Variants in UBE2B observed in about 807,000 individuals in gnomAD.
UBE2B encodes ubiquitin conjugating enzyme E2 B, also known as ubiquitin-conjugating enzyme E2 B.
Under a neutral mutation model 24.6 loss-of-function variants are expected in UBE2B, and 11 were observed. That is an observed-to-expected ratio of 0.45 (90% CI 0.28 to 0.74). The LOEUF (loss-of-function observed/expected upper bound fraction) is 0.74, where lower values mean the gene tolerates loss of function less well. Ranked by LOEUF, UBE2B falls within the 30% of genes least tolerant of loss-of-function variation. The probability of loss-of-function intolerance (pLI) is 0.13; values close to 1 mark genes in which losing one functional copy is unlikely to be tolerated. For synonymous variants in UBE2B, 68 were observed against 62.4 expected (o/e 1.09, Z -0.42); for missense variants, 78 against 185.6 (o/e 0.42, Z 3.37).
At chr5:134,388,081 C>T (rs964694154) in intron 4 of UBE2B, 3 of 502,554 alleles carry the variant, frequency 6.0e-6, no homozygotes, top group South Asian at 4.1e-5. Flanking sequence ...TCAGGACTGG[C>T]GTGAGCCACC....
At chr5:134,372,976 G>A (rs147560411) in intron 1 of UBE2B, among the ~76,000 whole-genome samples, 6 of 152,278 alleles carry the variant, frequency 3.9e-5, no homozygotes, top group African/African-American at 1.4e-4. Context: ...TAGTAAACTA[G>A]TTCATGTCAT....
At chr5:134,386,945 G>T (rs1380366997) in intron 4 of UBE2B, among the ~76,000 whole-genome samples, 2 of 149,812 alleles carry the variant, frequency 1.3e-5, no homozygotes, top group Admixed American at 1.3e-4. Flanking sequence ...CCACAAGGTA[G>T]AATTAGTTTT....
chr5:134,374,236 G>T, intron 1 of UBE2B, 147 bp from the exon 2 acceptor site: 1 of 733,006 alleles, frequency 1.4e-6, no homozygotes. Flanking sequence ...ATATATTTAA[G>T]TCATATGGTT....
chr5:134,379,120 C>T (rs1156699437), intron 3 of UBE2B, among the ~76,000 whole-genome samples: 1 of 152,048 alleles, frequency 6.6e-6, no homozygotes, highest in African/African-American at 2.4e-5. Flanking sequence ...TTTGGAGGAT[C>T]TGTAAACTCG....
At chr5:134,389,104 A>C (rs980300384) in intron 5 of UBE2B, 6 of 227,892 alleles carry the variant, frequency 2.6e-5, no homozygotes, top group African/African-American at 1.2e-4. Flanking sequence ...GGCACATGCT[A>C]CCACGCCTGG....
chr5:134,379,789 C>G (rs2149691618), intron 3 of UBE2B, among the ~76,000 whole-genome samples: 1 of 152,196 alleles, frequency 6.6e-6, no homozygotes, highest in East Asian at 1.9e-4. Flanking sequence ...GAGAATCCAG[C>G]TATCTTCTGT....
At chr5:134,384,903 C>G (rs918081369) in intron 4 of UBE2B, among the ~76,000 whole-genome samples, 1 of 152,166 alleles carries the variant, frequency 6.6e-6, no homozygotes, top group African/African-American at 2.4e-5. Flanking sequence ...TGTTTTCCCT[C>G]TAGATTTGAC....
intron 5 of UBE2B, chr5:134,388,946 G>GTTTTTTTTTTTTTTTTTTTTTTTTTATTT: frequency 1.2e-5 from 2 of 172,264 alleles, no homozygotes; most frequent in South Asian, 4.0e-5. Context: ...TTCTTTAATT[G>GTTTTTTTTTTTTTTTTTTTTTTTTTATTT]TTTTTTTTTT....
intron 1 of UBE2B, among the ~76,000 whole-genome samples, chr5:134,373,834 A>G (rs1581318328): frequency 6.6e-6 from 1 of 152,290 alleles, no homozygotes; most frequent in East Asian, 1.9e-4. Context: ...TTATGGCTGC[A>G]TAGTATTCCA....
intron 4 of UBE2B, chr5:134,388,069 G>A (rs1034954589): frequency 8.4e-6 from 4 of 477,576 alleles, no homozygotes; most frequent in African/African-American, 5.9e-5. Context: ...CTCCCAAAGT[G>A]TTCAGGACTG....
chr5:134,380,873 C>A, intron 4 of UBE2B, 65 bp downstream of exon 4: 1 of 1,095,662 alleles, frequency 9.1e-7, no homozygotes, highest in Non-Finnish European at 1.4e-6. Flanking sequence ...CTCCTTTTAG[C>A]TCTTTCACCT....
intron 4 of UBE2B, among the ~76,000 whole-genome samples, chr5:134,384,777 C>T (rs548925131): frequency 6.6e-6 from 1 of 152,302 alleles, no homozygotes; most frequent in African/African-American, 2.4e-5. Context: ...ATAATCATAA[C>T]CATCACCATG....
In UBE2B at chr5:134,376,573, C is replaced by T. The variant is rs571214328; in HGVS notation, c.126-96C>T. ...ACTCCACAAATCATCAGAATGAGTC[C>T]CTCTTTTTCTGTTGAAGTTTATCCT... On this transcript the variant is annotated intron_variant, in intron 2 of 5. Transcript: ENST00000265339. 67 of 1,295,518 alleles carry T rather than the reference C, an allele frequency of 5.2e-5. No individual in the cohort carries two copies. The African/African-American group carries it at 9.3e-4, about 18-fold the overall frequency. The allele number at this position is 1,295,518 out of a possible 1,614,324, so 80.3% of individuals were successfully genotyped here.
chr5:134,384,898 T>A (rs1758771534), intron 4 of UBE2B, among the ~76,000 whole-genome samples: 1 of 152,224 alleles, frequency 6.6e-6, no homozygotes, highest in African/African-American at 2.4e-5. Flanking sequence ...TAACGTGTTT[T>A]CCCTCTAGAT....
At chr5:134,380,493 T>TCC (rs1401016265) in intron 3 of UBE2B, among the ~76,000 whole-genome samples, 1 of 152,192 alleles carries the variant, frequency 6.6e-6, no homozygotes, top group African/African-American at 2.4e-5. Flanking sequence ...CAGTTAACAC[T>TCC]CCCACCAATA....
Position 134,389,269 on chromosome 5 carries a change from G to A in UBE2B, c.330+856G>A, listed in dbSNP as rs1256880852. ...GGCCAGTTCTGGTCATCTTACAAGC[G>A]TTGTTTTTCAACCTTCCTATCTCAT... is the stretch of plus-strand genomic sequence containing the variant. On this transcript the variant is annotated intron_variant, in intron 5 of 5. Transcript: ENST00000265339. Among the ~76,000 whole-genome samples, 4 of 151,944 alleles carry A rather than the reference G, an allele frequency of 2.6e-5. 1 individual carries two copies. The highest frequency in any genetic ancestry group is 4.1e-4 in the South Asian group (2 of 4,820).
At chr5:134,382,202 C>T (rs924072791) in intron 4 of UBE2B, among the ~76,000 whole-genome samples, 10 of 152,210 alleles carry the variant, frequency 6.6e-5, no homozygotes, top group African/African-American at 2.4e-4. Flanking sequence ...CCTATAATCC[C>T]AGCACCTTGG....
chr5:134,376,711 A>G lies in UBE2B; in HGVS notation c.151+17A>G. ...TTGAAGATGGTAAGTCATACTCATTATGTTTTCTATAGTGTTATGAGGTTA... is the reference window on the plus strand; with the variant it reads ...TTGAAGATGGTAAGTCATACTCATTGTGTTTTCTATAGTGTTATGAGGTTA... On this transcript the variant is annotated intron_variant, in intron 3 of 5. Coordinates refer to ENST00000265339, the MANE Select transcript of UBE2B (RefSeq NM_003337.4). 1 of 1,608,066 alleles carries G rather than the reference A, an allele frequency of 6.2e-7. No individual in the cohort carries two copies.
chr5:134,378,116 G>A (rs1468608945), intron 3 of UBE2B, among the ~76,000 whole-genome samples: 2 of 152,132 alleles, frequency 1.3e-5, no homozygotes, highest in Non-Finnish European at 2.9e-5. Context: ...GCTGCAGTGA[G>A]CCCTGGTGGA....
Sources: gnomAD v4.1 joint callset for allele counts (sites outside exome capture counted in the v4.1 genomes callset) on GRCh38, gnomAD v4.1.1 for gene constraint, MANE v1.5 for transcripts, NCBI Gene and HGNC (gene_info 2026-07-23, HGNC 2026-07-21) for gene names.